The following SLC25A26 variants were observed in gnomAD, a reference collection of about 807,000 sequenced individuals.
SLC25A26 encodes the protein solute carrier family 25 member 26.
SLC25A26 carries 36 observed loss-of-function variants against 37.8 expected under a neutral mutation model. The ratio of observed to expected loss-of-function variants is 0.95; its 90% CI spans 0.73 to 1.26. The LOEUF (loss-of-function observed/expected upper bound fraction) is 1.26, where lower values mean the gene tolerates loss of function less well. Among genes scored for constraint, SLC25A26 ranks in the 50% most tolerant of loss-of-function variants. The pLI is 0.00. For missense variants in SLC25A26, 390 were observed against 331.1 expected, an observed-to-expected ratio of 1.18 and a Z score of -1.38; for synonymous variants, 129 against 122.5, an observed-to-expected ratio of 1.05 and a Z score of -0.35.
chr3:66,232,470 C>T (rs895868421), intron 1 of SLC25A26, among the ~76,000 whole-genome samples: 5 of 152,128 alleles, frequency 3.3e-5, no homozygotes, highest in African/African-American at 7.2e-5. Context: ...GTGCTGGAAA[C>T]ATATTAGTAA....
chr3:66,171,073 G>A (rs1203669375), intron 1 of SLC25A26, among the ~76,000 whole-genome samples: 1 of 152,010 alleles, frequency 6.6e-6, no homozygotes, highest in East Asian at 1.9e-4. Context: ...AAAGTGCTGG[G>A]ATTACAGGCG....
At chr3:66,139,578 G>A (rs2070003819) in intron 1 of SLC25A26, among the ~76,000 whole-genome samples, 1 of 152,192 alleles carries the variant, frequency 6.6e-6, no homozygotes, top group Non-Finnish European at 1.5e-5. Context: ...ACTGAAGATT[G>A]AATTAGATTT....
intron 1 of SLC25A26, among the ~76,000 whole-genome samples, chr3:66,143,810 G>A (rs937975932): frequency 1.3e-5 from 2 of 152,156 alleles, no homozygotes; most frequent in Non-Finnish European, 2.9e-5. Flanking sequence ...GAGCTTGGGA[G>A]GCAGAGGCTG....
At chr3:66,327,179 A>G (rs2075859597) in intron 5 of SLC25A26, among the ~76,000 whole-genome samples, 1 of 152,186 alleles carries the variant, frequency 6.6e-6, no homozygotes, top group South Asian at 2.1e-4. Flanking sequence ...CCCTCCTCAC[A>G]ATACTGGTTA....
intron 5 of SLC25A26, among the ~76,000 whole-genome samples, chr3:66,299,644 C>A (rs2075013689): frequency 6.6e-6 from 1 of 151,998 alleles, no homozygotes; most frequent in African/African-American, 2.4e-5. Flanking sequence ...ATAATGTGAT[C>A]CAAGGGGGTA....
chr3:66,218,648 C>T (rs1483794768), upstream of SLC25A26, among the ~76,000 whole-genome samples: 1 of 152,202 alleles, frequency 6.6e-6, no homozygotes, highest in Admixed American at 6.5e-5. Flanking sequence ...GGAATGACAA[C>T]TGAGTAATTT....
chr3:66,137,312 T>C, intron 1 of SLC25A26, among the ~76,000 whole-genome samples: 1 of 151,110 alleles, frequency 6.6e-6, no homozygotes, highest in Non-Finnish European at 1.5e-5. Context: ...CTGCAACCTC[T>C]GCCTCCCAGG....
At chr3:66,199,748 C>G in intron 1 of SLC25A26, among the ~76,000 whole-genome samples, 1 of 152,210 alleles carries the variant, frequency 6.6e-6, no homozygotes, top group East Asian at 1.9e-4. Context: ...TGACCCCCAG[C>G]TGCACCCTGT....
intron 5 of SLC25A26, among the ~76,000 whole-genome samples, chr3:66,274,594 A>G (rs1464091203): frequency 6.6e-6 from 1 of 152,286 alleles, no homozygotes; most frequent in Non-Finnish European, 1.5e-5. Flanking sequence ...GGCAAAGGAT[A>G]TGAACAGACA....
chr3:66,317,349 G>T lies in SLC25A26; in HGVS notation c.454-29015G>T, dbSNP rs564369474. On this transcript the variant is annotated intron_variant, in intron 5 of 9. Transcript: ENST00000354883. The stretch of plus-strand genomic sequence containing the variant: ...CTTTCGGTTTGTTTTTCTTTTAGCA[G>T]TCAGGCCCCTCTTCTGTAGGACTAC... 2.6e-5 allele frequency among the ~76,000 whole-genome samples: 4 copies of T among 152,252 alleles called. No homozygotes were observed. In the South Asian group the frequency reaches 8.3e-4, roughly 32 times the overall value.
At chr3:66,216,366 G>T (rs1458056171), upstream of SLC25A26, among the ~76,000 whole-genome samples, 1 of 152,088 alleles carries the variant, frequency 6.6e-6, no homozygotes, top group Non-Finnish European at 1.5e-5. Flanking sequence ...ACAAAAATTA[G>T]CTAGGTGTTG....
At chr3:66,375,381 A>T (rs893743395) in intron 9 of SLC25A26, among the ~76,000 whole-genome samples, 1 of 152,240 alleles carries the variant, frequency 6.6e-6, no homozygotes, top group Non-Finnish European at 1.5e-5. Context: ...TTTTCAGGGT[A>T]GATGAAACAG....
At chr3:66,197,002 T>C (rs2106804995) in intron 1 of SLC25A26, among the ~76,000 whole-genome samples, 1 of 152,324 alleles carries the variant, frequency 6.6e-6, no homozygotes, top group South Asian at 2.1e-4. Flanking sequence ...AGTTAAAATA[T>C]GGCTTATATG....
At chr3:66,351,618 T>A (rs2076455823) in intron 6 of SLC25A26, among the ~76,000 whole-genome samples, 1 of 152,180 alleles carries the variant, frequency 6.6e-6, no homozygotes, top group Non-Finnish European at 1.5e-5. Context: ...AGCTGCCTAG[T>A]TGACATCCTC....
chr3:66,158,008 G>A (rs2070307929), intron 1 of SLC25A26, among the ~76,000 whole-genome samples: 1 of 152,198 alleles, frequency 6.6e-6, no homozygotes, highest in African/African-American at 2.4e-5. Context: ...ATTGAAGGGA[G>A]AATGCGTTGT....
intron 5 of SLC25A26, among the ~76,000 whole-genome samples, chr3:66,337,028 T>C (rs1007715769): frequency 1.3e-5 from 2 of 152,176 alleles, no homozygotes; most frequent in Admixed American, 6.5e-5. Context: ...AATTGCACTG[T>C]ATCAGTAATG....
intron 1 of SLC25A26, among the ~76,000 whole-genome samples, chr3:66,160,429 G>C (rs1009980063): frequency 2.0e-5 from 3 of 152,154 alleles, no homozygotes; most frequent in Admixed American, 6.5e-5. Flanking sequence ...ACACTGTCAA[G>C]ATGACTGATC....
Position 66,155,750 on chromosome 3 carries a change from C to A in SLC25A26, c.-354+21766C>A, listed in dbSNP as rs541831750. Reference sequence around the variant, plus strand: ...GGTGAAAAACTGAAAAACCAGCACACTCAAATCAGCAAGTTCACTTGCCCA... The same window carrying A: ...GGTGAAAAACTGAAAAACCAGCACAATCAAATCAGCAAGTTCACTTGCCCA... On this transcript the variant is annotated intron_variant, in intron 1 of 10. Transcript: ENST00000676754. Among the ~76,000 whole-genome samples the A allele has an allele frequency of 3.3e-5, 5 of 152,290 alleles. No homozygotes were observed. In the South Asian group the frequency reaches 1.0e-3, roughly 32 times the overall value.
chr3:66,366,160 G>C (rs757763367), intron 7 of SLC25A26, among the ~76,000 whole-genome samples: 4 of 152,200 alleles, frequency 2.6e-5, no homozygotes, highest in African/African-American at 7.2e-5. Flanking sequence ...CTCCAGTGGA[G>C]ACCATAGAAA....
Sources: allele counts gnomAD v4.1 joint callset (sites outside exome capture counted in the v4.1 genomes callset), GRCh38; gene constraint gnomAD v4.1.1; transcripts MANE v1.5; gene names NCBI Gene and HGNC (gene_info 2026-07-23, HGNC 2026-07-21).